The following ST8SIA4 variants were observed in gnomAD, a reference collection of about 807,000 sequenced individuals.
The protein encoded by ST8SIA4 is CMP-N-acetylneuraminate-poly-alpha-2,8-sialyltransferase.
ST8SIA4 carries 15 observed loss-of-function variants against 33.9 expected under a neutral mutation model. That is an observed-to-expected ratio of 0.44 (90% CI 0.30 to 0.68). The LOEUF (loss-of-function observed/expected upper bound fraction) is 0.68. Among genes scored for constraint, ST8SIA4 ranks in the 30% least tolerant of loss-of-function variants. The probability of loss-of-function intolerance (pLI) is 0.10; values close to 1 mark genes in which losing one functional copy is unlikely to be tolerated. For missense variants in ST8SIA4, 321 were observed against 428.0 expected, an observed-to-expected ratio of 0.75 and a Z score of 2.21; for synonymous variants, 171 against 151.2, an observed-to-expected ratio of 1.13 and a Z score of -0.96.
chr5:100,817,848 A>G (rs1250550802), intron 4 of ST8SIA4, among the ~76,000 whole-genome samples: 1 of 152,236 alleles, frequency 6.6e-6, no homozygotes, highest in Non-Finnish European at 1.5e-5. Context: ...AATGTGTGTA[A>G]ATAAAGGGAC....
intron 2 of ST8SIA4, among the ~76,000 whole-genome samples, chr5:100,895,248 A>C (rs1752756062): frequency 6.6e-6 from 1 of 152,104 alleles, no homozygotes; most frequent in Admixed American, 6.6e-5. Flanking sequence ...TATAATCGTC[A>C]GCACAATAGA....
chr5:100,834,047 A>G (rs570044776), intron 4 of ST8SIA4, among the ~76,000 whole-genome samples: 1 of 152,330 alleles, frequency 6.6e-6, no homozygotes, highest in African/African-American at 2.4e-5. Context: ...AGAGATTAGG[A>G]TATCATCTTA....
chr5:100,901,277 G>C (rs954695434), intron 1 of ST8SIA4, among the ~76,000 whole-genome samples: 2 of 152,180 alleles, frequency 1.3e-5, no homozygotes, highest in Non-Finnish European at 2.9e-5. Context: ...CAGGGTCCCA[G>C]CCAAGGGCCC....
At chr5:100,885,640 T>C (rs2112471893) in intron 3 of ST8SIA4, 5 of 941,224 alleles carry the variant, frequency 5.3e-6, no homozygotes, top group Non-Finnish European at 6.3e-6. Flanking sequence ...TGTACAGATA[T>C]AAAAATTGAT....
chr5:100,843,368 G>A (rs554610634), intron 4 of ST8SIA4, among the ~76,000 whole-genome samples: 1 of 151,868 alleles, frequency 6.6e-6, no homozygotes, highest in Admixed American at 6.6e-5. Context: ...TTAGAAATAA[G>A]GTAGCAACTG....
chr5:100,841,814 C>T (rs1006533537), intron 4 of ST8SIA4, among the ~76,000 whole-genome samples: 6 of 151,838 alleles, frequency 4.0e-5, no homozygotes, highest in South Asian at 2.1e-4. Context: ...AATCTCTAAT[C>T]AGTGACAAAT....
chr5:100,826,466 T>C (rs1751145957), intron 4 of ST8SIA4, among the ~76,000 whole-genome samples: 1 of 152,052 alleles, frequency 6.6e-6, no homozygotes, highest in African/African-American at 2.4e-5. Flanking sequence ...GGGAATATGA[T>C]AGGTACTTGG....
At chr5:100,842,459 G>A (rs78675445) in intron 4 of ST8SIA4, among the ~76,000 whole-genome samples, 1 of 151,838 alleles carries the variant, frequency 6.6e-6, no homozygotes, top group East Asian at 1.9e-4. Flanking sequence ...AAAAACAAAA[G>A]TTGACTATTA....
intron 4 of ST8SIA4, among the ~76,000 whole-genome samples, chr5:100,824,683 G>A (rs1197979508): frequency 1.3e-5 from 2 of 152,070 alleles, no homozygotes; most frequent in African/African-American, 4.8e-5. Flanking sequence ...GGCAAGGTAA[G>A]CCATCCCATT....
Position 100,838,238 on chromosome 5 carries a change from T to A in ST8SIA4, c.797+17865A>T, listed in dbSNP as rs1580456450. On this transcript the variant is annotated intron_variant, in intron 4 of 4. Transcript: ENST00000231461. ...TAGGACTGCCAGATATTCTGATCTT[T>A]AAAAGAATCACCAGATATTGAAATG... Among the ~76,000 whole-genome samples the A allele has an allele frequency of 2.6e-5, 4 of 152,004 alleles. No homozygotes were observed. The South Asian group carries it at 8.3e-4, about 31-fold the overall frequency.
At chr5:100,864,717 G>A (rs904333836) in intron 3 of ST8SIA4, among the ~76,000 whole-genome samples, 4 of 151,818 alleles carry the variant, frequency 2.6e-5, no homozygotes, top group African/African-American at 4.8e-5. Context: ...GTAGGTGTCC[G>A]GTAATCATTT....
chr5:100,837,416 A>G (rs1751385976), intron 4 of ST8SIA4, among the ~76,000 whole-genome samples: 2 of 152,018 alleles, frequency 1.3e-5, no homozygotes, highest in Non-Finnish European at 2.9e-5. Context: ...AAAATATTCT[A>G]ATACATGAGA....
chr5:100,837,367 T>C (rs2548263), intron 4 of ST8SIA4, among the ~76,000 whole-genome samples: 93,199 of 151,660 alleles, frequency 0.61, 29,119 homozygotes, highest in South Asian at 0.74. Flanking sequence ...TGCAATTGCA[T>C]TGGCCAATCT....
intron 4 of ST8SIA4, among the ~76,000 whole-genome samples, chr5:100,812,724 T>C (rs1750840044): frequency 6.6e-6 from 1 of 152,158 alleles, no homozygotes; most frequent in Non-Finnish European, 1.5e-5. Flanking sequence ...AATTGATAGT[T>C]TTCCAGTTAT....
chr5:100,876,175 T>C (rs1752299513), intron 3 of ST8SIA4, among the ~76,000 whole-genome samples: 1 of 152,024 alleles, frequency 6.6e-6, no homozygotes, highest in Non-Finnish European at 1.5e-5. Flanking sequence ...ATATGAGAGA[T>C]CGAATTATAT....
intron 4 of ST8SIA4, 57 bp downstream of exon 4, chr5:100,856,046 T>C (rs2112439948): frequency 6.8e-7 from 1 of 1,475,514 alleles, no homozygotes; most frequent in Non-Finnish European, 9.3e-7. Context: ...AGTGAAAATG[T>C]TTAGTTATAT....
intron 3 of ST8SIA4, among the ~76,000 whole-genome samples, chr5:100,876,650 T>C (rs2112462562): frequency 6.6e-6 from 1 of 152,182 alleles, no homozygotes; most frequent in Admixed American, 6.5e-5. Context: ...GAGTTCCACA[T>C]ATAAAAACAT....
Position 100,809,248 on chromosome 5 carries a change from C to G in ST8SIA4, c.*2599G>C, listed in dbSNP as rs1750761454. 6.6e-6 allele frequency: 1 copy of G among 152,000 alleles called. No homozygotes were observed. Among genetic ancestry groups the G allele is most frequent in the Admixed American group, 6.6e-5 (1 of 15,238 alleles). 9.4% of individuals were successfully genotyped at this position (152,000 alleles called of 1,614,324 possible). ...GTGGATAACCTGAGGTCAGGAAGTT[C>G]AAGACCAGCCTGGCCAACATGGTGA... On this transcript the variant is annotated 3_prime_UTR_variant, in exon 5 of 5. Transcript: ENST00000231461.
At chr5:100,879,432 C>T (rs1028258190) in intron 3 of ST8SIA4, among the ~76,000 whole-genome samples, 3 of 151,988 alleles carry the variant, frequency 2.0e-5, no homozygotes, top group Admixed American at 1.3e-4. Context: ...TTAATTTTAT[C>T]ATCTTTAAAT....
Sources: gnomAD v4.1 joint callset for allele counts (sites outside exome capture counted in the v4.1 genomes callset) on GRCh38, gnomAD v4.1.1 for gene constraint, MANE v1.5 for transcripts, NCBI Gene and HGNC (gene_info 2026-07-23, HGNC 2026-07-21) for gene names.